The following GPC5 variants were observed in gnomAD, a reference collection of about 807,000 sequenced individuals.
The protein encoded by GPC5 is glypican 5, also known as glypican-5.
In GPC5, 47 loss-of-function variants were observed where a neutral mutation model predicts 53.9. That is an observed-to-expected ratio of 0.87 (90% CI 0.69 to 1.11). The LOEUF (loss-of-function observed/expected upper bound fraction) is 1.11, where lower values mean the gene tolerates loss of function less well. GPC5 is among the 50% of genes most tolerant of loss of function. The probability of loss-of-function intolerance (pLI) is 0.00; values close to 1 mark genes in which losing one functional copy is unlikely to be tolerated. For synonymous variants in GPC5, 286 were observed against 263.3 expected, an observed-to-expected ratio of 1.09 and a Z score of -0.84; for missense variants, 748 against 713.1, an observed-to-expected ratio of 1.05 and a Z score of -0.56.
intron 5 of GPC5, among the ~76,000 whole-genome samples, chr13:91,799,395 C>T (rs1183164765): frequency 2.6e-5 from 4 of 152,062 alleles, no homozygotes; most frequent in African/African-American, 9.7e-5. Flanking sequence ...GCTGACCACT[C>T]GGGCAATGGG....
chr13:92,614,331 C>CAA (rs1361928608), intron 7 of GPC5, among the ~76,000 whole-genome samples: 2 of 152,012 alleles, frequency 1.3e-5, no homozygotes, highest in Non-Finnish European at 2.9e-5. Context: ...GGTTACTTCC[C>CAA]AACAAATCTG....
At chr13:91,954,612 G>C (rs968378113) in intron 6 of GPC5, among the ~76,000 whole-genome samples, 1 of 151,894 alleles carries the variant, frequency 6.6e-6, no homozygotes, top group African/African-American at 2.4e-5. Flanking sequence ...TTTCTAAAAA[G>C]AAAATCCATG....
chr13:92,239,748 G>T (rs1028433012), intron 7 of GPC5: 1 of 64,174 alleles, frequency 1.6e-5, no homozygotes, highest in Non-Finnish European at 3.6e-5. Flanking sequence ...TTGTACATGA[G>T]GTCCATTATA....
At chr13:91,577,049 T>G (rs939461463) in intron 2 of GPC5, among the ~76,000 whole-genome samples, 1 of 152,192 alleles carries the variant, frequency 6.6e-6, no homozygotes, top group African/African-American at 2.4e-5. Context: ...CTTACTCATT[T>G]TTGCATAAGA....
chr13:91,923,125 A>G (rs953596972), intron 6 of GPC5, among the ~76,000 whole-genome samples: 5 of 152,126 alleles, frequency 3.3e-5, no homozygotes, highest in Admixed American at 6.5e-5. Flanking sequence ...CAATCAATCA[A>G]TCAATCAATC....
intron 7 of GPC5, among the ~76,000 whole-genome samples, chr13:92,316,116 T>A (rs1007498614): frequency 3.9e-5 from 6 of 152,124 alleles, no homozygotes; most frequent in African/African-American, 1.4e-4. Context: ...CTTTTTCACA[T>A]CTTAACCAGT....
rs1283560603 is a variant in GPC5, at chr13:91,817,371, T to C, written c.1280+60951T>C. 4.6e-5 allele frequency among the ~76,000 whole-genome samples: 7 copies of C among 152,336 alleles called. 1 individual carries two copies. Among genetic ancestry groups the C allele is most frequent in the Admixed American group, 4.6e-4 (7 of 15,298 alleles). The stretch of plus-strand genomic sequence containing the variant: ...CTACATCTTTTGGAATCCTTCCTTA[T>C]AACATTTATTTTGAATCCTTTCAGA... On this transcript the variant is annotated intron_variant, in intron 5 of 7. Coordinates refer to ENST00000377067, the MANE Select transcript of GPC5 (RefSeq NM_004466.6).
chr13:91,715,385 A>G (rs960273207), intron 3 of GPC5, among the ~76,000 whole-genome samples: 1 of 152,258 alleles, frequency 6.6e-6, no homozygotes, highest in Non-Finnish European at 1.5e-5. Flanking sequence ...ACATATTTGT[A>G]TATATCTACT....
chr13:91,802,858 G>C (rs2038158561), intron 5 of GPC5, among the ~76,000 whole-genome samples: 1 of 152,108 alleles, frequency 6.6e-6, no homozygotes, highest in African/African-American at 2.4e-5. Flanking sequence ...CCTGAGCATT[G>C]TTGGTTCTTA....
At chr13:91,974,091 A>G (rs1360828770) in intron 6 of GPC5, among the ~76,000 whole-genome samples, 1 of 152,206 alleles carries the variant, frequency 6.6e-6, no homozygotes, top group African/African-American at 2.4e-5. Context: ...GGTGGAATCT[A>G]CAGAGGCAGG....
chr13:91,989,709 G>T (rs1007649247), intron 6 of GPC5, among the ~76,000 whole-genome samples: 1 of 152,032 alleles, frequency 6.6e-6, no homozygotes, highest in Admixed American at 6.6e-5. Context: ...TTTCAACAAT[G>T]ATTACAAACA....
In GPC5 at chr13:92,765,664, C is replaced by T. The variant is rs1427667125; in HGVS notation, c.1562-100618C>T. ...TTGTTAGAAATGCAAATTCTCAGGC[C>T]CTGCACCAAGCAATCTGAATTCAAA... On this transcript the variant is annotated intron_variant, in intron 7 of 7. Coordinates refer to ENST00000377067, the MANE Select transcript of GPC5 (RefSeq NM_004466.6). 2.0e-5 allele frequency among the ~76,000 whole-genome samples: 3 copies of T among 152,116 alleles called. No individual in the cohort carries two copies. In the East Asian group the frequency reaches 5.8e-4, roughly 30 times the overall value.
chr13:92,519,843 G>GT (rs1293780269), intron 7 of GPC5, among the ~76,000 whole-genome samples: 1 of 152,074 alleles, frequency 6.6e-6, no homozygotes, highest in East Asian at 1.9e-4. Flanking sequence ...TCCAGGATCT[G>GT]TTTTTTTGAA....
At chr13:91,958,447 T>C (rs907024394) in intron 6 of GPC5, among the ~76,000 whole-genome samples, 1 of 152,060 alleles carries the variant, frequency 6.6e-6, no homozygotes, top group Admixed American at 6.6e-5. Flanking sequence ...ACTTCTGCAC[T>C]CCATTCTCAG....
intron 5 of GPC5, among the ~76,000 whole-genome samples, chr13:91,786,479 T>TA (rs929163191): frequency 6.6e-6 from 1 of 152,140 alleles, no homozygotes; most frequent in African/African-American, 2.4e-5. Flanking sequence ...TTTTATTTTT[T>TA]AAAAAGGGGT....
chr13:91,565,856 G>A (rs546817258), intron 2 of GPC5, among the ~76,000 whole-genome samples: 1 of 152,120 alleles, frequency 6.6e-6, no homozygotes, highest in Non-Finnish European at 1.5e-5. Context: ...GTTACTTCTG[G>A]AGGCTCTGAG....
chr13:91,496,960 A>G (rs917168315), intron 2 of GPC5, among the ~76,000 whole-genome samples: 13 of 152,146 alleles, frequency 8.5e-5, no homozygotes, highest in African/African-American at 3.1e-4. Context: ...GTCCTTATTG[A>G]AAATCCCCCG....
At chr13:91,999,917 A>G (rs2040539469) in intron 6 of GPC5, among the ~76,000 whole-genome samples, 2 of 152,222 alleles carry the variant, frequency 1.3e-5, no homozygotes, top group Non-Finnish European at 1.5e-5. Context: ...TAAATGATAA[A>G]GTCCATGAAT....
chr13:92,804,479 G>T (rs753995649), intron 7 of GPC5, among the ~76,000 whole-genome samples: 1 of 151,972 alleles, frequency 6.6e-6, no homozygotes, highest in Non-Finnish European at 1.5e-5. Flanking sequence ...ATGTGCAAGA[G>T]CATTATGTCT....
Sources: allele counts gnomAD v4.1 joint callset (sites outside exome capture counted in the v4.1 genomes callset), GRCh38; gene constraint gnomAD v4.1.1; transcripts MANE v1.5; gene names NCBI Gene and HGNC (gene_info 2026-07-23, HGNC 2026-07-21).